The following DIP2C variants were observed in gnomAD, a reference collection of about 807,000 sequenced individuals.
DIP2C encodes DIP2 acetate--CoA ligase C (putative).
In DIP2C, 33 loss-of-function variants were observed where a neutral mutation model predicts 192.4. The observed-to-expected ratio is 0.17, with a 90% CI of 0.13 to 0.23. The LOEUF is 0.23. Among genes scored for constraint, DIP2C ranks in the 10% least tolerant of loss-of-function variants. DIP2C has a pLI of 1.00. For synonymous variants in DIP2C, 979 were observed against 864.1 expected, an observed-to-expected ratio of 1.13 and a Z score of -2.33; for missense variants, 1,537 against 2,110.1, an observed-to-expected ratio of 0.73 and a Z score of 5.32.
intron 17 of DIP2C, among the ~76,000 whole-genome samples, chr10:381,996 G>A (rs1001173412): frequency 4.6e-5 from 7 of 152,120 alleles, no homozygotes; most frequent in Non-Finnish European, 1.0e-4. Context: ...TGGCACCTAC[G>A]TTGACCAAGG....
intron 1 of DIP2C, among the ~76,000 whole-genome samples, chr10:548,651 A>C (rs2130934478): frequency 6.7e-6 from 1 of 149,014 alleles, no homozygotes; most frequent in African/African-American, 2.5e-5. Context: ...ATGTGGCCAG[A>C]GGTGATGTGG....
At chr10:571,045 C>G (rs1200356594) in intron 1 of DIP2C, among the ~76,000 whole-genome samples, 1 of 152,218 alleles carries the variant, frequency 6.6e-6, no homozygotes, top group Non-Finnish European at 1.5e-5. Context: ...CCGGCACTGG[C>G]CTAACGACAC....
At chr10:329,291 T>C (rs1957397810) in intron 30 of DIP2C, 142 bp downstream of exon 30, 6 of 827,954 alleles carry the variant, frequency 7.2e-6, no homozygotes, top group Admixed American at 3.8e-5. Context: ...TAAAGGCAGT[T>C]TGTAAGCTTC....
intron 1 of DIP2C, among the ~76,000 whole-genome samples, chr10:512,832 T>C (rs1846101170): frequency 6.8e-6 from 1 of 146,806 alleles, no homozygotes; most frequent in African/African-American, 2.5e-5. Flanking sequence ...GAGAATCACT[T>C]CAGCCTGGGA....
At chr10:495,289 T>A (rs6560847) in intron 1 of DIP2C, among the ~76,000 whole-genome samples, 1 of 152,176 alleles carries the variant, frequency 6.6e-6, no homozygotes, top group African/African-American at 2.4e-5. Context: ...ATTCTGGAGA[T>A]CGAATGTACA....
At chr10:685,135 CAAAAAAAAAAA>C (rs140709069) in intron 1 of DIP2C, among the ~76,000 whole-genome samples, 51 of 72,942 alleles carry the variant, frequency 7.0e-4, no homozygotes, top group African/African-American at 3.6e-3. Flanking sequence ...ACTTGGTCCC[CAAAAAAAAAAA>C]AAAAAAAAAA....
At chr10:613,727 T>A (rs1853252002) in intron 1 of DIP2C, among the ~76,000 whole-genome samples, 1 of 152,158 alleles carries the variant, frequency 6.6e-6, no homozygotes, top group Non-Finnish European at 1.5e-5. Context: ...ACAGATCCTC[T>A]CCACACCCTG....
intron 1 of DIP2C, among the ~76,000 whole-genome samples, chr10:541,069 ATG>A: frequency 7.7e-6 from 1 of 129,104 alleles, no homozygotes; most frequent in East Asian, 2.4e-4. Flanking sequence ...ACAACACCCG[ATG>A]CTGGGGAGCC....
At chr10:487,546 C>A (rs1040338979) in intron 1 of DIP2C, among the ~76,000 whole-genome samples, 1 of 150,466 alleles carries the variant, frequency 6.6e-6, no homozygotes, top group African/African-American at 2.5e-5. Context: ...ACACGGAACC[C>A]GCATCCGCCC....
intron 4 of DIP2C, among the ~76,000 whole-genome samples, chr10:439,661 A>AC (rs1967571613): frequency 6.6e-6 from 1 of 151,886 alleles, no homozygotes; most frequent in Non-Finnish European, 1.5e-5. Context: ...CAAATTATGC[A>AC]CTCTTTAAGT....
chr10:353,982 C>T (rs745614435), intron 24 of DIP2C, among the ~76,000 whole-genome samples: 14 of 152,222 alleles, frequency 9.2e-5, no homozygotes, highest in South Asian at 2.1e-4. Context: ...GCCGTGAGGA[C>T]GATGCTGCTA....
chr10:458,991 C>CAAAA (rs35681631), intron 3 of DIP2C, among the ~76,000 whole-genome samples: 2 of 102,700 alleles, frequency 1.9e-5, no homozygotes, highest in African/African-American at 7.1e-5. Flanking sequence ...TCAACTTTTT[C>CAAAA]AAAAAAAAAA....
chr10:613,839 CCTG>C (rs138176894), intron 1 of DIP2C, among the ~76,000 whole-genome samples: 14,987 of 151,936 alleles, frequency 0.099, 957 homozygotes, highest in African/African-American at 0.18. Context: ...TCCACACACC[CCTG>C]CTTTGGTTCC....
At chr10:327,908 C>T (rs1437771552) in intron 30 of DIP2C, among the ~76,000 whole-genome samples, 1 of 152,150 alleles carries the variant, frequency 6.6e-6, no homozygotes, top group African/African-American at 2.4e-5. Context: ...TACAGGAATT[C>T]AAGGAGTTAA....
At chr10:459,719 C>T (rs1229087079) in intron 3 of DIP2C, among the ~76,000 whole-genome samples, 1 of 151,550 alleles carries the variant, frequency 6.6e-6, no homozygotes, top group Non-Finnish European at 1.5e-5. Flanking sequence ...ACAATCACAT[C>T]AGGGAACGGC....
chr10:481,735 C>T (rs1225868533), intron 2 of DIP2C, among the ~76,000 whole-genome samples: 2 of 152,218 alleles, frequency 1.3e-5, no homozygotes, highest in African/African-American at 2.4e-5. Flanking sequence ...GAGCATCATG[C>T]GGACACGGTG....
chr10:517,239 G>A (rs2130801596), intron 1 of DIP2C, among the ~76,000 whole-genome samples: 1 of 152,204 alleles, frequency 6.6e-6, no homozygotes, highest in South Asian at 2.1e-4. Context: ...AAACCTTGCT[G>A]TCCTTGGCAA....
At position 552,889 on chromosome 10, in the gene DIP2C, G is replaced by T. The variant is rs998858445; in HGVS notation, c.86-66359C>A. On this transcript the variant is annotated intron_variant, in intron 1 of 36. Coordinates refer to ENST00000280886, the MANE Select transcript of DIP2C (RefSeq NM_014974.3). ...ACACCCCATGTCTGCCCTGGCTCCC[G>T]CCATCTCCACGGAGTGGACAGAGCT... Among the ~76,000 whole-genome samples, 6 of 152,192 alleles carry T rather than the reference G, an allele frequency of 3.9e-5. No individual in the cohort carries two copies. The South Asian group carries it at 1.2e-3, about 32-fold the overall frequency.
chr10:417,924 T>A (rs61837185), intron 6 of DIP2C, among the ~76,000 whole-genome samples: 3,711 of 24,792 alleles, frequency 0.15, 205 homozygotes, highest in Non-Finnish European at 0.23. Flanking sequence ...GTCCACCTGT[T>A]CCTGTCAGGG....
Sources: gnomAD v4.1 joint callset for allele counts (sites outside exome capture counted in the v4.1 genomes callset) on GRCh38, gnomAD v4.1.1 for gene constraint, MANE v1.5 for transcripts, NCBI Gene and HGNC (gene_info 2026-07-23, HGNC 2026-07-21) for gene names.